The following MIPOL1 variants were observed in gnomAD, a reference collection of about 807,000 sequenced individuals.
The protein encoded by MIPOL1 is mirror-image polydactyly gene 1 protein.
Under a neutral mutation model 60.9 loss-of-function variants are expected in MIPOL1, and 57 were observed. That is an observed-to-expected ratio of 0.94 (90% confidence interval 0.76 to 1.17). The LOEUF is 1.17. Ranked by LOEUF, MIPOL1 falls within the 50% of genes most tolerant of loss-of-function variation. MIPOL1 has a pLI of 0.00. For synonymous variants in MIPOL1, 179 were observed against 168.8 expected (o/e 1.06, Z -0.47); for missense variants, 551 against 511.6 (o/e 1.08, Z -0.74).
intron 10 of MIPOL1, among the ~76,000 whole-genome samples, chr14:37,385,007 G>T (rs2093027533): frequency 6.6e-6 from 1 of 151,952 alleles, no homozygotes; most frequent in Admixed American, 6.6e-5. Flanking sequence ...TTCTAAAAGA[G>T]AATTACATAT....
chr14:37,335,455 C>A (rs1336147832), intron 9 of MIPOL1, among the ~76,000 whole-genome samples: 1 of 152,048 alleles, frequency 6.6e-6, no homozygotes, highest in Non-Finnish European at 1.5e-5. Flanking sequence ...ATTTCACTTT[C>A]TTTGTCTATG....
intron 10 of MIPOL1, among the ~76,000 whole-genome samples, chr14:37,405,204 C>T (rs1023387386): frequency 2.0e-5 from 3 of 152,148 alleles, no homozygotes; most frequent in African/African-American, 4.8e-5. Flanking sequence ...GCAGTGTGCC[C>T]TAGGCTGTGC....
At chr14:37,327,262 A>G (rs1419516122) in intron 9 of MIPOL1, among the ~76,000 whole-genome samples, 2 of 152,134 alleles carry the variant, frequency 1.3e-5, no homozygotes, top group African/African-American at 4.8e-5. Context: ...GCAGTATCCC[A>G]CATGAGGTTG....
chr14:37,491,497 C>T (rs1348314187), intron 11 of MIPOL1, among the ~76,000 whole-genome samples: 1 of 152,108 alleles, frequency 6.6e-6, no homozygotes, highest in African/African-American at 2.4e-5. Flanking sequence ...CCACTGCACT[C>T]CAGCCTAGGT....
At chr14:37,305,371 T>C (rs141678172) in intron 7 of MIPOL1, among the ~76,000 whole-genome samples, 1,541 of 151,964 alleles carry the variant, frequency 0.01, 13 homozygotes, top group Non-Finnish European at 0.017. Flanking sequence ...TAAGAACTTA[T>C]GTTGAAATTC....
At chr14:37,418,686 A>G (rs575392414) in intron 10 of MIPOL1, among the ~76,000 whole-genome samples, 35 of 152,158 alleles carry the variant, frequency 2.3e-4, no homozygotes, top group African/African-American at 8.2e-4. Flanking sequence ...AGCTTTATGA[A>G]CCTATGTTTT....
intron 6 of MIPOL1, among the ~76,000 whole-genome samples, chr14:37,275,099 G>A (rs1214710227): frequency 6.6e-6 from 1 of 150,940 alleles, no homozygotes; most frequent in African/African-American, 2.4e-5. Context: ...TCAAAAGTGT[G>A]CAAATATTTT....
chr14:37,336,197 C>A lies in MIPOL1; in HGVS notation c.828+27678C>A, dbSNP rs115251819. ...CTTTCCTCATTAAACGGTTTTGGTA[C>A]CTTTATCAAAAATGACTTGTCTATA... On this transcript the variant is annotated intron_variant, in intron 9 of 12. Coordinates refer to ENST00000684589, the MANE Select transcript of MIPOL1 (RefSeq NM_001388067.1). Among the ~76,000 whole-genome samples the A allele has an allele frequency of 3.1e-3, 457 of 148,000 alleles. 3 individuals carry two copies. The highest frequency in any genetic ancestry group is 9.7e-3 in the African/African-American group (392 of 40,284).
intron 12 of MIPOL1, among the ~76,000 whole-genome samples, chr14:37,535,387 T>A (rs1232811786): frequency 6.6e-6 from 1 of 152,202 alleles, no homozygotes; most frequent in Non-Finnish European, 1.5e-5. Context: ...AGTTTCTTGC[T>A]GAATTTCAAG....
intron 12 of MIPOL1, among the ~76,000 whole-genome samples, chr14:37,539,762 G>A (rs894929008): frequency 6.6e-6 from 1 of 152,054 alleles, no homozygotes; most frequent in Non-Finnish European, 1.5e-5. Context: ...AGCCAATGAG[G>A]CTCTCTATGA....
chr14:37,434,769 A>G (rs2094136077), intron 11 of MIPOL1, among the ~76,000 whole-genome samples: 1 of 151,504 alleles, frequency 6.6e-6, no homozygotes, highest in African/African-American at 2.4e-5. Flanking sequence ...TCTGTCTTCC[A>G]CTGATTGGAT....
chr14:37,537,497 C>T (rs1429579206), intron 12 of MIPOL1, among the ~76,000 whole-genome samples: 7 of 151,958 alleles, frequency 4.6e-5, no homozygotes, highest in Admixed American at 3.3e-4. Flanking sequence ...TGCCCACAGC[C>T]GAATCAATCA....
At chr14:37,414,431 C>G (rs2093729419) in intron 10 of MIPOL1, among the ~76,000 whole-genome samples, 1 of 152,138 alleles carries the variant, frequency 6.6e-6, no homozygotes, top group African/African-American at 2.4e-5. Context: ...TCCCTGAAAA[C>G]TAGTGATGTT....
At chr14:37,348,056 G>A (rs1038745555) in intron 9 of MIPOL1, among the ~76,000 whole-genome samples, 1 of 152,034 alleles carries the variant, frequency 6.6e-6, no homozygotes, top group Non-Finnish European at 1.5e-5. Context: ...TACCTCATTC[G>A]CCTTTCTGGC....
chr14:37,539,250 T>C (rs934724888), intron 12 of MIPOL1, among the ~76,000 whole-genome samples: 13 of 152,188 alleles, frequency 8.5e-5, no homozygotes, highest in African/African-American at 2.9e-4. Context: ...CAAGCCCAAA[T>C]TGACATGATT....
rs111356977 is a variant in MIPOL1, at chr14:37,441,631, T to C, written c.1031+18682T>C. Among the ~76,000 whole-genome samples, 471 of 152,304 alleles carry C rather than the reference T, an allele frequency of 3.1e-3. 4 individuals carry two copies. The highest frequency in any genetic ancestry group is 0.031 in the Middle Eastern group (9 of 294). On this transcript the variant is annotated intron_variant, in intron 11 of 12. Transcript: ENST00000684589. ...ACCTGTGGCATGCTGTTTTCGTTAC[T>C]ATAGCCTCGTAGTATAATTTGAAGT...
chr14:37,273,388 A>T (rs2153395140), intron 6 of MIPOL1, among the ~76,000 whole-genome samples: 1 of 150,524 alleles, frequency 6.6e-6, no homozygotes, highest in East Asian at 1.9e-4. Flanking sequence ...TTTTTTTTAG[A>T]AATTACTTGC....
intron 10 of MIPOL1, among the ~76,000 whole-genome samples, chr14:37,395,314 A>G (rs2093350761): frequency 6.6e-6 from 1 of 152,110 alleles, no homozygotes; most frequent in East Asian, 1.9e-4. Flanking sequence ...TAGGGATTGC[A>G]TTGAATTTGT....
intron 10 of MIPOL1, among the ~76,000 whole-genome samples, chr14:37,388,775 C>T (rs1237058576): frequency 6.6e-6 from 1 of 152,042 alleles, no homozygotes; most frequent in South Asian, 2.1e-4. Flanking sequence ...CTTCTTTCAA[C>T]ATGATGATTT....
Sources: gnomAD v4.1 joint callset for allele counts (sites outside exome capture counted in the v4.1 genomes callset) on GRCh38, gnomAD v4.1.1 for gene constraint, MANE v1.5 for transcripts, NCBI Gene and HGNC (gene_info 2026-07-23, HGNC 2026-07-21) for gene names.